DMD: variants seen among roughly 807,000 people sequenced by gnomAD.
DMD encodes the protein mutant dystrophin.
A neutral mutation model predicts 330.1 loss-of-function variants in DMD; 63 were observed. The observed-to-expected ratio is 0.19, with a 90% CI of 0.16 to 0.24. The LOEUF is 0.24. DMD is among the 10% of genes least tolerant of loss of function. DMD has a pLI of 1.00. For synonymous variants in DMD, 1,223 were observed against 959.8 expected, an observed-to-expected ratio of 1.27 and a Z score of -5.07; for missense variants, 3,344 against 2,684.1, an observed-to-expected ratio of 1.25 and a Z score of -5.43.
At chrX:31,928,575 C>T (rs2094811913) in intron 47 of DMD, among the ~76,000 whole-genome samples, 1 of 109,212 alleles carries the variant, frequency 9.2e-6, no homozygotes, top group Admixed American at 9.8e-5. Context: ...CACTGCACTC[C>T]AGCCTGAGCG....
At chrX:32,081,135 T>A (rs752675973) in intron 44 of DMD, among the ~76,000 whole-genome samples, 1 of 112,068 alleles carries the variant, frequency 8.9e-6, no homozygotes, top group African/African-American at 3.2e-5. Context: ...GAGGTGGCGA[T>A]AGAACATTTC....
chrX:32,756,573 GA>G (rs762399858), intron 7 of DMD, among the ~76,000 whole-genome samples: 47 of 110,473 alleles, frequency 4.3e-4, no homozygotes, highest in African/African-American at 1.5e-3. Flanking sequence ...AAGTCATCAG[GA>G]AAAAAATACA....
intron 6 of DMD, among the ~76,000 whole-genome samples, chrX:32,809,919 C>CAAAAAAAAAAAAAAAAAAAAAAAAAAAA (rs55898363): frequency 3.5e-5 from 1 of 28,660 alleles, no homozygotes; most frequent in Admixed American, 6.6e-4. Flanking sequence ...TTGTTTCTAC[C>CAAAAAAAAAAAAAAAAAAAAAAAAAAAA]AAAAAAAAAA....
At chrX:31,871,024 C>T (rs1399617838) in intron 48 of DMD, among the ~76,000 whole-genome samples, 1 of 111,719 alleles carries the variant, frequency 9.0e-6, no homozygotes, top group African/African-American at 3.2e-5. Flanking sequence ...ACATAAGACC[C>T]TTTATAGAAA....
chrX:32,218,562 A>G (rs1165323886), intron 43 of DMD, among the ~76,000 whole-genome samples: 1 of 112,012 alleles, frequency 8.9e-6, no homozygotes, highest in African/African-American at 3.2e-5. Flanking sequence ...TTAAAGTAAC[A>G]CTAGAAGTTT....
At chrX:33,002,648 G>A (rs1478128312) in intron 2 of DMD, among the ~76,000 whole-genome samples, 1 of 109,912 alleles carries the variant, frequency 9.1e-6, no homozygotes, top group East Asian at 2.9e-4. Flanking sequence ...CTGATTGGTT[G>A]GGAACAGCCA....
intron 1 of DMD, among the ~76,000 whole-genome samples, chrX:33,304,412 A>C (rs2053719759): frequency 9.0e-6 from 1 of 111,315 alleles, no homozygotes; most frequent in African/African-American, 3.3e-5. Context: ...TACAAAAATT[A>C]ATTCAAGATG....
At chrX:31,568,324 T>C (rs2075580933) in intron 55 of DMD, among the ~76,000 whole-genome samples, 1 of 111,641 alleles carries the variant, frequency 9.0e-6, no homozygotes, top group Admixed American at 9.5e-5. Flanking sequence ...TTATTTTCCA[T>C]TTAGTAGTTC....
chrX:32,552,044 A>G lies in DMD; in HGVS notation c.1993-6710T>C, dbSNP rs144912972. Among the ~76,000 whole-genome samples, 298 of 112,175 alleles carry G rather than the reference A, an allele frequency of 2.7e-3. 1 individual carries two copies. The highest frequency in any genetic ancestry group is 9.2e-3 in the African/African-American group (285 of 30,943). ...AATCAATATTGACAGAATGGCCATA[A>G]TGCCTAAAGCACTTTTTAATTCAAT... is the stretch of plus-strand genomic sequence containing the variant. On this transcript the variant is annotated intron_variant, in intron 16 of 78. Transcript: ENST00000357033.
intron 57 of DMD, among the ~76,000 whole-genome samples, chrX:31,482,318 GAAATAAT>G (rs2068370536): frequency 9.1e-6 from 1 of 109,912 alleles, no homozygotes; most frequent in Non-Finnish European, 1.9e-5. Flanking sequence ...CTTCCACAAG[GAAATAAT>G]AAATTCTGAG....
At chrX:31,374,122 A>G (rs1393468854) in intron 60 of DMD, among the ~76,000 whole-genome samples, 66 of 84,017 alleles carry the variant, frequency 7.9e-4, no homozygotes, top group East Asian at 1.6e-3. Flanking sequence ...CCACAATGAG[A>G]TACCATCTCA....
At chrX:32,736,581 C>G (rs773622488) in intron 7 of DMD, among the ~76,000 whole-genome samples, 1 of 110,610 alleles carries the variant, frequency 9.0e-6, no homozygotes, top group African/African-American at 3.3e-5. Flanking sequence ...GAATGCTATG[C>G]GGCCATAAAA....
chrX:33,106,355 T>G (rs2095287885), intron 1 of DMD, among the ~76,000 whole-genome samples: 1 of 110,827 alleles, frequency 9.0e-6, no homozygotes. Context: ...GACGGCTCAA[T>G]AAAATCCCGG....
intron 6 of DMD, among the ~76,000 whole-genome samples, chrX:32,814,505 T>C (rs2148790556): frequency 8.9e-6 from 1 of 112,267 alleles, no homozygotes; most frequent in African/African-American, 3.2e-5. Flanking sequence ...ACCATTTTTT[T>C]CTTTAGATAA....
At chrX:31,290,790 A>G (rs955121496) in intron 62 of DMD, among the ~76,000 whole-genome samples, 2 of 111,974 alleles carry the variant, frequency 1.8e-5, no homozygotes, top group Non-Finnish European at 1.9e-5. Flanking sequence ...GCAAAAGCAA[A>G]CAAACAAACA....
intron 2 of DMD, among the ~76,000 whole-genome samples, chrX:32,888,230 G>A (rs769874965): frequency 9.1e-6 from 1 of 110,104 alleles, no homozygotes; most frequent in Non-Finnish European, 1.9e-5. Flanking sequence ...GTGGTTTGCT[G>A]CATCTATCAA....
At chrX:32,487,543 G>A (rs1472074957) in intron 20 of DMD, among the ~76,000 whole-genome samples, 6 of 111,391 alleles carry the variant, frequency 5.4e-5, no homozygotes, top group Non-Finnish European at 1.1e-4. Context: ...TAATATTTAT[G>A]GAGGCATTCA....
At chrX:32,373,147 T>C (rs774982843) in intron 34 of DMD, among the ~76,000 whole-genome samples, 2 of 110,264 alleles carry the variant, frequency 1.8e-5, no homozygotes, top group South Asian at 8.1e-4. Flanking sequence ...CCACCCAGTA[T>C]CTTTTGGAAG....
chrX:32,922,660 A>G (rs1239854213), intron 2 of DMD, among the ~76,000 whole-genome samples: 1 of 112,410 alleles, frequency 8.9e-6, no homozygotes, highest in Non-Finnish European at 1.9e-5. Flanking sequence ...ATCTGACAGG[A>G]GGCAGAGCTC....
Sources: allele counts gnomAD v4.1 joint callset (sites outside exome capture counted in the v4.1 genomes callset), GRCh38; gene constraint gnomAD v4.1.1; transcripts MANE v1.5; gene names NCBI Gene and HGNC (gene_info 2026-07-23, HGNC 2026-07-21).